B3GALT1: variants seen among roughly 807,000 people sequenced by gnomAD.
B3GALT1 encodes the protein beta-1,3-galactosyltransferase 1.
In B3GALT1, 10 loss-of-function variants were observed where a neutral mutation model predicts 23.2. The observed-to-expected ratio is 0.43, with a 90% CI of 0.27 to 0.73. B3GALT1 has a LOEUF of 0.73. B3GALT1 is among the 30% of genes least tolerant of loss of function. B3GALT1 has a pLI of 0.21. For missense variants in B3GALT1, 299 were observed against 405.4 expected (o/e 0.74, Z 2.25); for synonymous variants, 156 against 141.5 (o/e 1.10, Z -0.73).
intron 1 of B3GALT1, among the ~76,000 whole-genome samples, chr2:167,336,620 C>G (rs1043236117): frequency 6.6e-6 from 1 of 152,084 alleles, no homozygotes; most frequent in Non-Finnish European, 1.5e-5. Flanking sequence ...TCTTCTTTAT[C>G]TACTTTTAAA....
intron 1 of B3GALT1, among the ~76,000 whole-genome samples, chr2:167,411,084 C>T (rs1363240177): frequency 7.2e-6 from 1 of 139,470 alleles, no homozygotes; most frequent in Non-Finnish European, 1.6e-5. Flanking sequence ...ACAAGTGTTA[C>T]AAAAAAAAAA....
At chr2:167,856,117 A>G (rs776554128) in intron 4 of B3GALT1, among the ~76,000 whole-genome samples, 33 of 152,208 alleles carry the variant, frequency 2.2e-4, no homozygotes, top group Non-Finnish European at 4.4e-4. Flanking sequence ...ATGAACAAAA[A>G]CTACAGAATT....
intron 2 of B3GALT1, among the ~76,000 whole-genome samples, chr2:167,590,612 A>G (rs527584676): frequency 5.9e-5 from 9 of 152,224 alleles, no homozygotes; most frequent in East Asian, 1.9e-4. Context: ...TCATGACCAT[A>G]AAGATTATGA....
chr2:167,585,056 C>T (rs1020052244), intron 2 of B3GALT1, among the ~76,000 whole-genome samples: 15 of 152,144 alleles, frequency 9.9e-5, no homozygotes, highest in African/African-American at 3.1e-4. Flanking sequence ...TTCCTGTAAA[C>T]AGCTCTCATC....
At chr2:167,621,724 G>T (rs535502795) in intron 2 of B3GALT1, among the ~76,000 whole-genome samples, 2 of 151,986 alleles carry the variant, frequency 1.3e-5, no homozygotes, top group African/African-American at 2.4e-5. Context: ...TGCTGTTCTC[G>T]TGATAGTGAG....
At chr2:167,386,623 T>C (rs1225735642) in intron 1 of B3GALT1, among the ~76,000 whole-genome samples, 5 of 152,160 alleles carry the variant, frequency 3.3e-5, no homozygotes, top group Non-Finnish European at 2.9e-5. Context: ...TAGTCTCAAA[T>C]CATGTTACTA....
rs573178212 is a variant in B3GALT1 at position 167,498,874 on chromosome 2, C to G, written c.-410+8597C>G. ...CTCTCAGTCTTTTATAACTTCCTAACTTCATATGAATTTAAATCAGTGTGT... is the reference window on the plus strand; with the variant it reads ...CTCTCAGTCTTTTATAACTTCCTAAGTTCATATGAATTTAAATCAGTGTGT... On this transcript the variant is annotated intron_variant, in intron 2 of 4. Transcript: ENST00000392690. 2.6e-4 allele frequency among the ~76,000 whole-genome samples: 39 copies of G among 152,200 alleles called. No individual in the cohort carries two copies. The Middle Eastern group carries it at 0.01, about 40-fold the overall frequency.
intron 3 of B3GALT1, among the ~76,000 whole-genome samples, chr2:167,788,500 T>A (rs1016950365): frequency 4.6e-5 from 7 of 152,096 alleles, no homozygotes; most frequent in Admixed American, 2.6e-4. Context: ...ATAAGGCGCA[T>A]GCAACCTAGA....
At chr2:167,372,112 T>C (rs1251264703) in intron 1 of B3GALT1, among the ~76,000 whole-genome samples, 1 of 151,936 alleles carries the variant, frequency 6.6e-6, no homozygotes, top group Admixed American at 6.6e-5. Context: ...CTAATTTTTA[T>C]ACTAATAATG....
intron 1 of B3GALT1, among the ~76,000 whole-genome samples, chr2:167,315,374 G>T (rs1471442031): frequency 1.3e-5 from 2 of 151,678 alleles, no homozygotes; most frequent in Non-Finnish European, 2.9e-5. Context: ...TTTTTAGCTT[G>T]GGTTGGACAT....
At chr2:167,360,572 G>A (rs768864901) in intron 1 of B3GALT1, among the ~76,000 whole-genome samples, 2 of 152,026 alleles carry the variant, frequency 1.3e-5, no homozygotes, top group Non-Finnish European at 2.9e-5. Flanking sequence ...CTCCAAGTGA[G>A]GCCCAGCAAT....
intron 2 of B3GALT1, among the ~76,000 whole-genome samples, chr2:167,531,161 A>C (rs192716819): frequency 6.6e-6 from 1 of 152,192 alleles, no homozygotes; most frequent in Admixed American, 6.5e-5. Flanking sequence ...ATTAATCCCA[A>C]GGTCTTGAAT....
intron 2 of B3GALT1, among the ~76,000 whole-genome samples, chr2:167,517,007 T>A (rs943604499): frequency 6.6e-6 from 1 of 151,746 alleles, no homozygotes; most frequent in South Asian, 2.1e-4. Context: ...TATTAAAAGA[T>A]TGTAAATATT....
At chr2:167,847,997 G>A (rs917168952) in intron 4 of B3GALT1, among the ~76,000 whole-genome samples, 1 of 151,830 alleles carries the variant, frequency 6.6e-6, no homozygotes, top group South Asian at 2.1e-4. Flanking sequence ...TAGAAGAGAT[G>A]GATAAATTCC....
intron 1 of B3GALT1, among the ~76,000 whole-genome samples, chr2:167,389,799 T>G (rs2105281662): frequency 6.6e-6 from 1 of 150,386 alleles, no homozygotes; most frequent in East Asian, 2.0e-4. Context: ...ATAGTCCCAG[T>G]GCTTTGGGAG....
chr2:167,822,540 G>A (rs1689130673), intron 4 of B3GALT1, among the ~76,000 whole-genome samples: 1 of 152,148 alleles, frequency 6.6e-6, no homozygotes, highest in Admixed American at 6.5e-5. Context: ...AAGGAGCACA[G>A]GAAAACCAAG....
rs183223123 is a variant in B3GALT1 at position 167,629,985 on chromosome 2, C to T, written c.-409-16924C>T. On this transcript the variant is annotated intron_variant, in intron 2 of 4. Coordinates refer to ENST00000392690, the MANE Select transcript of B3GALT1 (RefSeq NM_020981.4). The stretch of plus-strand genomic sequence containing the variant: ...GTATGTAAAATTAAGTATTTTCCAA[C>T]TCTAAATGTTATGACACTAGACAAA... Among the ~76,000 whole-genome samples, 411 of 149,602 alleles carry T rather than the reference C, an allele frequency of 2.7e-3. 2 individuals are homozygous for T. Among genetic ancestry groups the T allele is most frequent in the Middle Eastern group, 0.01 (3 of 294 alleles).
At chr2:167,758,305 C>T (rs983169739) in intron 3 of B3GALT1, among the ~76,000 whole-genome samples, 2 of 152,164 alleles carry the variant, frequency 1.3e-5, no homozygotes, top group Non-Finnish European at 2.9e-5. Flanking sequence ...CATTAGATCA[C>T]AGCTCCTATA....
In B3GALT1 at chr2:167,700,132, C is replaced by T. The variant is rs376998912; in HGVS notation, c.-352+53166C>T. Among the ~76,000 whole-genome samples the T allele has an allele frequency of 3.2e-4, 48 of 152,220 alleles. No homozygotes were observed. In the South Asian group the frequency reaches 1.0e-2, roughly 32 times the overall value. Reference sequence around the variant, plus strand: ...AGGCGCAATGGTACACACTTGTTGTCCTAGCTACTTGGGAGGCTGAGGCAG... The same window carrying T: ...AGGCGCAATGGTACACACTTGTTGTTCTAGCTACTTGGGAGGCTGAGGCAG... On this transcript the variant is annotated intron_variant, in intron 3 of 4. Transcript: ENST00000392690.
Sources: gnomAD v4.1 joint callset for allele counts (sites outside exome capture counted in the v4.1 genomes callset) on GRCh38, gnomAD v4.1.1 for gene constraint, MANE v1.5 for transcripts, NCBI Gene and HGNC (gene_info 2026-07-23, HGNC 2026-07-21) for gene names.